Variants in NCAM2 observed in about 807,000 individuals in gnomAD.
The protein encoded by NCAM2 is N-CAM-2.
A neutral mutation model predicts 98.1 loss-of-function variants in NCAM2; 30 were observed. That is an observed-to-expected ratio of 0.31 (90% CI 0.23 to 0.41). NCAM2 has a LOEUF of 0.41. Among genes scored for constraint, NCAM2 ranks in the 10% least tolerant of loss-of-function variants. The probability of loss-of-function intolerance (pLI) is 1.00; values close to 1 mark genes in which losing one functional copy is unlikely to be tolerated. For missense variants in NCAM2, 867 were observed against 1,005.8 expected (o/e 0.86, Z 1.87); for synonymous variants, 368 against 342.4 (o/e 1.07, Z -0.83).
At chr21:21,200,150 G>T (rs909454621) in intron 1 of NCAM2, among the ~76,000 whole-genome samples, 3 of 151,978 alleles carry the variant, frequency 2.0e-5, no homozygotes, top group Non-Finnish European at 4.4e-5. Context: ...GTTAAGATGG[G>T]ACTAACTCAG....
intron 15 of NCAM2, among the ~76,000 whole-genome samples, chr21:21,485,749 A>G (rs1435289215): frequency 6.6e-6 from 1 of 152,228 alleles, no homozygotes; most frequent in Non-Finnish European, 1.5e-5. Flanking sequence ...ACCATAACAT[A>G]CTTGGTAAAT....
Position 21,085,540 on chromosome 21 carries a change from A to G in NCAM2, c.55+86922A>G, listed in dbSNP as rs138625896. Among the ~76,000 whole-genome samples the G allele has an allele frequency of 7.7e-3, 1,167 of 152,028 alleles. 10 individuals are homozygous for G. The highest frequency in any genetic ancestry group is 0.011 in the Non-Finnish European group (764 of 67,984). On this transcript the variant is annotated intron_variant, in intron 1 of 17. Coordinates refer to ENST00000400546, the MANE Select transcript of NCAM2 (RefSeq NM_004540.5). ...CTCATGAGCCAAAGGCTGCTGTTCA[A>G]TCTCTGGATGGGCTTCTTTCTCTTC... is the stretch of plus-strand genomic sequence containing the variant.
At chr21:21,385,394 A>ACACACACACG (rs2076247617) in intron 9 of NCAM2, among the ~76,000 whole-genome samples, 1 of 145,274 alleles carries the variant, frequency 6.9e-6, no homozygotes, top group African/African-American at 2.6e-5. Flanking sequence ...ACACACACAC[A>ACACACACACG]CACACGCACA....
intron 1 of NCAM2, among the ~76,000 whole-genome samples, chr21:21,126,456 G>A (rs926038873): frequency 6.6e-6 from 1 of 151,572 alleles, no homozygotes; most frequent in Admixed American, 6.6e-5. Context: ...TCTAACTTTT[G>A]ATGTATTTGT....
chr21:21,488,761 A>G (rs966204084), intron 15 of NCAM2, among the ~76,000 whole-genome samples: 2 of 151,802 alleles, frequency 1.3e-5, no homozygotes, highest in African/African-American at 4.8e-5. Context: ...GAAATGATCA[A>G]TTCTGGTATT....
chr21:21,486,210 A>G (rs1278382185), intron 15 of NCAM2, among the ~76,000 whole-genome samples: 1 of 146,088 alleles, frequency 6.8e-6, no homozygotes, highest in African/African-American at 2.5e-5. Context: ...AGGCTGAGGC[A>G]GGAGCATGGC....
At chr21:21,199,831 T>C in intron 1 of NCAM2, among the ~76,000 whole-genome samples, 1 of 152,078 alleles carries the variant, frequency 6.6e-6, no homozygotes, top group Admixed American at 6.6e-5. Flanking sequence ...GTGAGCTATT[T>C]ATGTCACATC....
At chr21:21,264,966 T>TAC (rs1347552942) in intron 1 of NCAM2, among the ~76,000 whole-genome samples, 24 of 128,768 alleles carry the variant, frequency 1.9e-4, no homozygotes, top group Non-Finnish European at 3.8e-4. Flanking sequence ...TATGTGTATA[T>TAC]ATACACATAT....
At chr21:21,189,584 T>A (rs2068752649) in intron 1 of NCAM2, among the ~76,000 whole-genome samples, 1 of 152,044 alleles carries the variant, frequency 6.6e-6, no homozygotes, top group Non-Finnish European at 1.5e-5. Context: ...ATAAAAAAAA[T>A]AAATTCCAGA....
chr21:21,282,636 A>C (rs992231795), intron 2 of NCAM2, among the ~76,000 whole-genome samples: 4 of 151,750 alleles, frequency 2.6e-5, no homozygotes, highest in African/African-American at 9.7e-5. Context: ...CAAAATCTAA[A>C]ACTCAATAAA....
chr21:21,462,693 T>C (rs1436699926), intron 12 of NCAM2, among the ~76,000 whole-genome samples: 1 of 152,072 alleles, frequency 6.6e-6, no homozygotes, highest in Non-Finnish European at 1.5e-5. Flanking sequence ...TTTTTGCCTT[T>C]ATAGACAGGT....
rs1471027519 is a variant in NCAM2, at chr21:21,497,469, A to G, written c.2078-11382A>G. On this transcript the variant is annotated intron_variant, in intron 15 of 17. Coordinates refer to ENST00000400546, the MANE Select transcript of NCAM2 (RefSeq NM_004540.5). Reference sequence around the variant, plus strand: ...CAATTAGCTACTTTTTCTTGCCCTGAATCAGATATTAAGAAAAAGCAAATA... The same window carrying G: ...CAATTAGCTACTTTTTCTTGCCCTGGATCAGATATTAAGAAAAAGCAAATA... 2.6e-5 allele frequency among the ~76,000 whole-genome samples: 4 copies of G among 152,144 alleles called. No homozygotes were observed. In the South Asian group the frequency reaches 6.2e-4, roughly 24 times the overall value.
intron 1 of NCAM2, among the ~76,000 whole-genome samples, chr21:21,248,288 A>G (rs536027843): frequency 1.4e-4 from 22 of 152,246 alleles, no homozygotes; most frequent in African/African-American, 5.3e-4. Context: ...ATGATTTCCA[A>G]TCTACTTTTC....
chr21:21,347,863 A>G (rs900950939), intron 8 of NCAM2, among the ~76,000 whole-genome samples: 9 of 152,110 alleles, frequency 5.9e-5, no homozygotes, highest in African/African-American at 9.7e-5. Flanking sequence ...CATAAAAACC[A>G]TATGATCATT....
intron 1 of NCAM2, among the ~76,000 whole-genome samples, chr21:21,130,330 G>GGATT (rs1281700479): frequency 2.0e-5 from 3 of 151,968 alleles, no homozygotes; most frequent in Non-Finnish European, 4.4e-5. Flanking sequence ...ATTGTCAATA[G>GGATT]GATTTTATTA....
intron 16 of NCAM2, among the ~76,000 whole-genome samples, chr21:21,511,679 A>G (rs909992333): frequency 6.6e-6 from 1 of 152,038 alleles, no homozygotes; most frequent in Non-Finnish European, 1.5e-5. Flanking sequence ...GCTGTCTTCC[A>G]TAGTGACAGT....
chr21:21,009,118 A>G (rs2064161030), intron 1 of NCAM2, among the ~76,000 whole-genome samples: 1 of 152,142 alleles, frequency 6.6e-6, no homozygotes, highest in Non-Finnish European at 1.5e-5. Flanking sequence ...TCATATGTGT[A>G]TTCCTAGAAC....
intron 12 of NCAM2, among the ~76,000 whole-genome samples, chr21:21,463,323 A>G (rs1422099637): frequency 2.0e-5 from 3 of 152,076 alleles, no homozygotes; most frequent in African/African-American, 4.8e-5. Context: ...GTGGAGTTCT[A>G]TTTCACACAA....
chr21:21,366,073 G>C (rs138021566), intron 8 of NCAM2, among the ~76,000 whole-genome samples: 2 of 152,036 alleles, frequency 1.3e-5, no homozygotes, highest in Admixed American at 6.6e-5. Flanking sequence ...ACTTTTATTT[G>C]TTCTGGTAGA....
Sources: gnomAD v4.1 joint callset for allele counts (sites outside exome capture counted in the v4.1 genomes callset) on GRCh38, gnomAD v4.1.1 for gene constraint, MANE v1.5 for transcripts, NCBI Gene and HGNC (gene_info 2026-07-23, HGNC 2026-07-21) for gene names.